The following BRWD1 variants were observed in gnomAD, a reference collection of about 807,000 sequenced individuals.
BRWD1 encodes bromodomain and WD repeat domain containing 1, also known as bromodomain and WD repeat-containing protein 1.
In BRWD1, 82 loss-of-function variants were observed where a neutral mutation model predicts 251.2. That is an observed-to-expected ratio of 0.33 (90% CI 0.27 to 0.39). The LOEUF (loss-of-function observed/expected upper bound fraction) is 0.39, where lower values mean the gene tolerates loss of function less well. Among genes scored for constraint, BRWD1 ranks in the 10% least tolerant of loss-of-function variants. The pLI, the probability that BRWD1 is intolerant of heterozygous loss-of-function variation, is 1.00. For synonymous variants in BRWD1, 918 were observed against 902.8 expected, an observed-to-expected ratio of 1.02 and a Z score of -0.30; for missense variants, 2,233 against 2,711.6, an observed-to-expected ratio of 0.82 and a Z score of 3.92.
At position 39,189,969 on chromosome 21, in the gene BRWD1, G is replaced by A. The variant is rs1295510402; in HGVS notation, c.*6290C>T. The A allele has an allele frequency of 6.1e-6, 6 of 985,240 alleles. No individual in the cohort carries two copies. Among genetic ancestry groups the A allele is most frequent in the Non-Finnish European group, 7.2e-6 (6 of 829,912 alleles). 61.0% of individuals were successfully genotyped at this position (985,240 alleles called of 1,614,324 possible). A position where few individuals can be genotyped will look rare whatever the true frequency, so the allele number is the denominator to read the frequency against. ...TCAGTCATGGGTTTACAAAGTCATT[G>A]AGTGCTTGAGGACTTGTTTTCCTGG... On this transcript the variant is annotated 3_prime_UTR_variant, in exon 41 of 41. Coordinates refer to ENST00000342449, the MANE Select transcript of BRWD1 (RefSeq NM_033656.4).
intron 4 of BRWD1, among the ~76,000 whole-genome samples, chr21:39,299,097 C>G (rs1005634495): frequency 6.6e-6 from 1 of 152,138 alleles, no homozygotes; most frequent in Non-Finnish European, 1.5e-5. Flanking sequence ...GTGGTGCACA[C>G]CTGTAGTCCC....
chr21:39,220,227 C>T (rs375024809), intron 29 of BRWD1, among the ~76,000 whole-genome samples: 2 of 152,064 alleles, frequency 1.3e-5, no homozygotes, highest in African/African-American at 2.4e-5. Context: ...TCAACCCACA[C>T]GTGTGAAGAA....
intron 15 of BRWD1, among the ~76,000 whole-genome samples, chr21:39,267,366 C>T (rs931235559): frequency 6.6e-6 from 1 of 152,054 alleles, no homozygotes; most frequent in Non-Finnish European, 1.5e-5. Context: ...GAGGCCGAGG[C>T]GGGCGGATCA....
Position 39,296,333 on chromosome 21 carries a change from G to C in BRWD1, c.380C>G (p.Ala127Gly). Residue 127 changes from alanine (A) to glycine (G), a missense_variant, in exon 6 of 41, where the codon GCC becomes GGC. This residue lies in a region of BRWD1 where 185 missense variants were observed against 260.6 expected (regional missense o/e 0.71). Coordinates refer to ENST00000342449, the MANE Select transcript of BRWD1 (RefSeq NM_033656.4). Reference protein sequence around the residue: ...DCRHTVWKGSAFAALHRGRPP... With the variant: ...DCRHTVWKGSGFAALHRGRPP... The stretch of plus-strand genomic sequence containing the variant: ...TCTTCCTCTATGAAGAGCAGCAAAG[G>C]CAGAGCCCTTCCAAACTGTGTGCCT... 6.3e-7 allele frequency: 1 copy of C among 1,598,226 alleles called. No homozygotes were observed. Among genetic ancestry groups the C allele is most frequent in the Admixed American group, 1.8e-5 (1 of 56,358 alleles).
At chr21:39,225,546 A>C (rs912580502) in intron 27 of BRWD1, among the ~76,000 whole-genome samples, 1 of 152,174 alleles carries the variant, frequency 6.6e-6, no homozygotes, top group East Asian at 1.9e-4. Flanking sequence ...ATGAAACAAT[A>C]AAAGTCACCT....
At chr21:39,206,674 G>C (rs2032404329) in intron 36 of BRWD1, among the ~76,000 whole-genome samples, 1 of 152,134 alleles carries the variant, frequency 6.6e-6, no homozygotes, top group Admixed American at 6.5e-5. Flanking sequence ...TGGGGCAAGG[G>C]AACAAAAGCA....
At chr21:39,264,710 G>T in intron 16 of BRWD1, 25 bp from the exon 17 acceptor site, 1 of 1,549,096 alleles carries the variant, frequency 6.5e-7, no homozygotes, top group South Asian at 1.2e-5. Context: ...TTCACAGGAT[G>T]ACATTTTAAG....
intron 19 of BRWD1, among the ~76,000 whole-genome samples, chr21:39,254,147 T>A (rs1297494178): frequency 6.6e-6 from 1 of 152,102 alleles, no homozygotes; most frequent in African/African-American, 2.4e-5. Flanking sequence ...ATGCCTGTAG[T>A]CCCAGCTACT....
chr21:39,194,575 T>C lies in BRWD1; in HGVS notation c.*1684A>G. The stretch of plus-strand genomic sequence containing the variant: ...GTTTCCCACCTATCTCAGTTGATAA[T>C]GTCCAAAAACATCCTTCCCCATGCA... On this transcript the variant is annotated 3_prime_UTR_variant, in exon 41 of 41. Coordinates refer to ENST00000342449, the MANE Select transcript of BRWD1 (RefSeq NM_033656.4). The C allele has an allele frequency of 6.8e-7, 1 of 1,465,568 alleles. No individual in the cohort carries two copies. Among genetic ancestry groups the C allele is most frequent in the Non-Finnish European group, 9.0e-7 (1 of 1,113,458 alleles). The allele number at this position is 1,465,568 out of a possible 1,614,324, so 90.8% of individuals were successfully genotyped here.
chr21:39,191,275 C>CA lies in BRWD1; in HGVS notation c.*4983dup, dbSNP rs1568846727. The CA allele has an allele frequency of 1.0e-6, 1 of 985,160 alleles. No homozygotes were observed. Among genetic ancestry groups the CA allele is most frequent in the Non-Finnish European group, 1.2e-6 (1 of 829,912 alleles). The allele number at this position is 985,160 out of a possible 1,614,324, so 61.0% of individuals were successfully genotyped here. On this transcript the variant is annotated 3_prime_UTR_variant, in exon 41 of 41. Transcript: ENST00000342449. Reference sequence around the variant, plus strand: ...CCTATCCAAGCTCATATGTAAAACTCACAGCGCTCGCACCCCTATATTCTG... The same window carrying CA: ...CCTATCCAAGCTCATATGTAAAACTCAACAGCGCTCGCACCCCTATATTCTG...
In BRWD1 at chr21:39,190,179, A is replaced by T. The variant is rs913799169; in HGVS notation, c.*6080T>A. On this transcript the variant is annotated 3_prime_UTR_variant, in exon 41 of 41. Coordinates refer to ENST00000342449, the MANE Select transcript of BRWD1 (RefSeq NM_033656.4). ...GATACAAACATAACAGTTCTGACTC[A>T]ACACAATCTCTAGTTTCTACATTTC... 1.5e-5 allele frequency: 15 copies of T among 984,822 alleles called. No individual in the cohort carries two copies. The highest frequency in any genetic ancestry group is 1.8e-5 in the Non-Finnish European group (15 of 829,384). The allele number at this position is 984,822 out of a possible 1,614,324, so 61.0% of individuals were successfully genotyped here.
At chr21:39,263,998 C>G (rs1421239671) in intron 17 of BRWD1, among the ~76,000 whole-genome samples, 1 of 152,128 alleles carries the variant, frequency 6.6e-6, no homozygotes, top group Non-Finnish European at 1.5e-5. Context: ...AATTCCTGAC[C>G]TGTAATCTTC....
intron 18 of BRWD1, 137 bp from the exon 19 acceptor site, chr21:39,255,965 T>C (rs952208487): frequency 1.1e-5 from 9 of 807,286 alleles, no homozygotes; most frequent in Middle Eastern, 2.8e-4. Context: ...CTGAAAAAAC[T>C]TTGTGAGAAA....
chr21:39,193,563 A>G lies in BRWD1; in HGVS notation c.*2696T>C, dbSNP rs878911913. On this transcript the variant is annotated 3_prime_UTR_variant, in exon 41 of 41. Coordinates refer to ENST00000342449, the MANE Select transcript of BRWD1 (RefSeq NM_033656.4). ...TACTTCAAAGCCTGTAAAACCATAA[A>G]TGAATAAAACCATAGGACTTTGGAC... The G allele has an allele frequency of 3.2e-5, 32 of 985,462 alleles. No homozygotes were observed. The South Asian group carries it at 1.5e-3, about 46-fold the overall frequency. 61.0% of individuals were successfully genotyped at this position (985,462 alleles called of 1,614,324 possible).
rs916012368 is a variant in BRWD1 at position 39,196,929 on chromosome 21, G to T, written c.6140C>A (p.Ser2047Tyr). 1 of 1,613,804 alleles carries T rather than the reference G, an allele frequency of 6.2e-7. No homozygotes were observed. Among genetic ancestry groups the T allele is most frequent in the Non-Finnish European group, 8.5e-7 (1 of 1,179,894 alleles). Residue 2047 changes from serine to tyrosine, a missense_variant, in exon 41 of 41, where the codon TCC becomes TAC. Physicochemically the swap from Ser to Tyr is moderately radical, Grantham distance 144 (BLOSUM62 -2). Coordinates refer to ENST00000342449, the MANE Select transcript of BRWD1 (RefSeq NM_033656.4). ...ATCTTCTCCTGAAGATGTAACAGAG[G>T]AACTTTTTCTTTTAGAAGGTGCATC... ...KIDAPSKRKSSSVTSSGEDSK... is the reference protein window; with the variant it reads ...KIDAPSKRKSYSVTSSGEDSK...
chr21:39,253,275 C>T (rs1213309048), intron 19 of BRWD1, among the ~76,000 whole-genome samples: 1 of 68,924 alleles, frequency 1.5e-5, no homozygotes, highest in East Asian at 3.9e-4. Flanking sequence ...GTGACAAAAG[C>T]GAAACTGTCT....
chr21:39,266,030 T>C (rs936928587), intron 15 of BRWD1, among the ~76,000 whole-genome samples: 2 of 152,178 alleles, frequency 1.3e-5, no homozygotes, highest in African/African-American at 4.8e-5. Context: ...GCATATTTGT[T>C]GTCTGCACCT....
intron 4 of BRWD1, among the ~76,000 whole-genome samples, chr21:39,307,370 G>A (rs1188249359): frequency 1.3e-5 from 2 of 151,520 alleles, no homozygotes; most frequent in African/African-American, 4.9e-5. Flanking sequence ...ACAAATAAAT[G>A]TAACTCAGTA....
At chr21:39,201,599 A>T (rs192971389) in intron 38 of BRWD1, among the ~76,000 whole-genome samples, 118 of 152,194 alleles carry the variant, frequency 7.8e-4, no homozygotes, top group African/African-American at 2.5e-3. Context: ...TCCACTTATC[A>T]CTAGTGCCAT....
Sources: gnomAD v4.1 joint callset for allele counts (sites outside exome capture counted in the v4.1 genomes callset) on GRCh38, gnomAD v4.1.1 for gene constraint, gnomAD v4.1.1 regional missense constraint, MANE v1.5 for transcripts, NCBI Gene and HGNC (gene_info 2026-07-23, HGNC 2026-07-21) for gene names.